CCSER1: variants seen among roughly 807,000 people sequenced by gnomAD.
CCSER1 encodes the protein coiled-coil serine rich protein 1.
CCSER1 carries 41 observed loss-of-function variants against 82.0 expected under a neutral mutation model. That is an observed-to-expected ratio of 0.50 (90% CI 0.39 to 0.65). CCSER1 has a LOEUF of 0.65. Among genes scored for constraint, CCSER1 ranks in the 30% least tolerant of loss-of-function variants. CCSER1 has a pLI of 0.00. For synonymous variants in CCSER1, 414 were observed against 383.9 expected (o/e 1.08, Z -0.92); for missense variants, 1,119 against 1,064.2 (o/e 1.05, Z -0.72).
At chr4:91,323,729 A>G (rs1560589243) in intron 10 of CCSER1, among the ~76,000 whole-genome samples, 1 of 152,194 alleles carries the variant, frequency 6.6e-6, no homozygotes, top group Non-Finnish European at 1.5e-5. Flanking sequence ...TGGTCAGTTT[A>G]ACATAAGCTT....
At chr4:90,426,044 G>A (rs542881921) in intron 4 of CCSER1, among the ~76,000 whole-genome samples, 1 of 152,288 alleles carries the variant, frequency 6.6e-6, no homozygotes, top group African/African-American at 2.4e-5. Flanking sequence ...TTGATAAAGT[G>A]GCATGGTGCC....
At chr4:91,381,589 C>T (rs1035495659) in intron 10 of CCSER1, among the ~76,000 whole-genome samples, 1 of 152,180 alleles carries the variant, frequency 6.6e-6, no homozygotes, top group Admixed American at 6.5e-5. Context: ...TGGTTTTCAG[C>T]TCCATCAGGT....
intron 4 of CCSER1, among the ~76,000 whole-genome samples, chr4:90,420,408 A>C (rs1756507481): frequency 6.6e-6 from 1 of 151,998 alleles, no homozygotes; most frequent in African/African-American, 2.4e-5. Context: ...AATAGTTTTA[A>C]ATGTTTTGTT....
intron 10 of CCSER1, among the ~76,000 whole-genome samples, chr4:91,282,839 T>C (rs904548602): frequency 1.3e-5 from 2 of 152,106 alleles, no homozygotes; most frequent in Non-Finnish European, 2.9e-5. Context: ...AACTTAATGG[T>C]TCTTTAACTG....
At chr4:90,722,373 CTG>C (rs1327691544) in intron 6 of CCSER1, among the ~76,000 whole-genome samples, 1 of 151,652 alleles carries the variant, frequency 6.6e-6, no homozygotes, top group East Asian at 1.9e-4. Flanking sequence ...GTCTTTTTTT[CTG>C]TGTTTTTCAG....
chr4:91,406,917 T>C (rs796514973), intron 10 of CCSER1, among the ~76,000 whole-genome samples: 13 of 152,314 alleles, frequency 8.5e-5, no homozygotes, highest in African/African-American at 3.1e-4. Flanking sequence ...ATTTGAATAT[T>C]CTCACAACAT....
intron 1 of CCSER1, among the ~76,000 whole-genome samples, chr4:90,273,729 C>G (rs536746195): frequency 6.6e-6 from 1 of 152,120 alleles, no homozygotes; most frequent in African/African-American, 2.4e-5. Flanking sequence ...AGAATTCTCC[C>G]TGCTTCACAA....
chr4:90,508,981 CTT>C (rs1330444785), intron 5 of CCSER1, among the ~76,000 whole-genome samples: 2 of 151,746 alleles, frequency 1.3e-5, no homozygotes, highest in African/African-American at 4.8e-5. Context: ...TTTTAGGAAA[CTT>C]TGAATTTTAA....
At chr4:90,820,008 A>C (rs1018019969) in intron 8 of CCSER1, among the ~76,000 whole-genome samples, 12 of 152,212 alleles carry the variant, frequency 7.9e-5, no homozygotes, top group African/African-American at 2.9e-4. Flanking sequence ...CACAGCATGG[A>C]ACATCTACTC....
intron 10 of CCSER1, among the ~76,000 whole-genome samples, chr4:91,521,932 G>T (rs1315868402): frequency 6.6e-6 from 1 of 152,118 alleles, no homozygotes; most frequent in Non-Finnish European, 1.5e-5. Flanking sequence ...TGCTTTTGGT[G>T]TTTTAGACAT....
chr4:91,229,549 G>A (rs1339333962), intron 10 of CCSER1, among the ~76,000 whole-genome samples: 3 of 151,958 alleles, frequency 2.0e-5, no homozygotes, highest in South Asian at 2.1e-4. Context: ...TGTTTATTGC[G>A]GCACTATTCA....
chr4:90,243,659 G>A (rs1002237226), intron 1 of CCSER1, among the ~76,000 whole-genome samples: 8 of 152,122 alleles, frequency 5.3e-5, no homozygotes, highest in African/African-American at 1.9e-4. Flanking sequence ...AAGCGCTGGG[G>A]TTACAGACAT....
chr4:90,461,673 C>T (rs780357681), intron 4 of CCSER1, among the ~76,000 whole-genome samples: 3 of 152,054 alleles, frequency 2.0e-5, no homozygotes, highest in Non-Finnish European at 4.4e-5. Context: ...TTTCTTTTCC[C>T]CCATGCCTCA....
chr4:90,147,760 A>T (rs1726086701), intron 1 of CCSER1, among the ~76,000 whole-genome samples: 1 of 152,210 alleles, frequency 6.6e-6, no homozygotes, highest in South Asian at 2.1e-4. Flanking sequence ...TATTGGCTGT[A>T]CTAATGTGCC....
chr4:90,438,396 A>G (rs1260778841), intron 4 of CCSER1, among the ~76,000 whole-genome samples: 2 of 152,168 alleles, frequency 1.3e-5, no homozygotes, highest in African/African-American at 4.8e-5. Context: ...ATTATTTTAT[A>G]GTTTCACTTG....
chr4:90,355,658 T>C (rs1464169126), intron 3 of CCSER1, among the ~76,000 whole-genome samples: 1 of 151,976 alleles, frequency 6.6e-6, no homozygotes, highest in Non-Finnish European at 1.5e-5. Context: ...CTCTGTGCCA[T>C]AGACAGTAGA....
At chr4:90,369,522 T>C (rs553865457) in intron 3 of CCSER1, among the ~76,000 whole-genome samples, 11 of 152,114 alleles carry the variant, frequency 7.2e-5, no homozygotes, top group African/African-American at 2.6e-4. Flanking sequence ...TTTACAAGTA[T>C]ATTTGAGAAG....
chr4:91,285,048 G>A (rs1478949876), intron 10 of CCSER1, among the ~76,000 whole-genome samples: 1 of 151,826 alleles, frequency 6.6e-6, no homozygotes, highest in Non-Finnish European at 1.5e-5. Context: ...ACAGAAGATG[G>A]GGTTTAGATA....
chr4:91,106,088 CA>C (rs1265734801), intron 10 of CCSER1, among the ~76,000 whole-genome samples: 2 of 152,110 alleles, frequency 1.3e-5, no homozygotes, highest in African/African-American at 2.4e-5. Flanking sequence ...AGGACTGTGG[CA>C]AGATACATTT....
Sources: allele counts gnomAD v4.1 joint callset (sites outside exome capture counted in the v4.1 genomes callset), GRCh38; gene constraint gnomAD v4.1.1; transcripts MANE v1.5; gene names NCBI Gene and HGNC (gene_info 2026-07-23, HGNC 2026-07-21).